The following GRIK3 variants were observed in gnomAD, a reference collection of about 807,000 sequenced individuals.
The protein encoded by GRIK3 is glutamate ionotropic receptor kainate type subunit 3, also known as glutamate receptor ionotropic, kainate 3.
A neutral mutation model predicts 102.5 loss-of-function variants in GRIK3; 29 were observed. That is an observed-to-expected ratio of 0.28 (90% CI 0.21 to 0.39). The LOEUF (loss-of-function observed/expected upper bound fraction) is 0.39, where lower values mean the gene tolerates loss of function less well. Among genes scored for constraint, GRIK3 ranks in the 10% least tolerant of loss-of-function variants. The pLI is 1.00. For synonymous variants in GRIK3, 511 were observed against 504.9 expected (o/e 1.01, Z -0.16); for missense variants, 908 against 1,252.4 (o/e 0.73, Z 4.15).
chr1:37,027,176 G>A (rs1470421483), intron 1 of GRIK3, among the ~76,000 whole-genome samples: 1 of 152,110 alleles, frequency 6.6e-6, no homozygotes, highest in Non-Finnish European at 1.5e-5. Flanking sequence ...TGTGACTAGG[G>A]AGAGGCAGTG....
intron 1 of GRIK3, among the ~76,000 whole-genome samples, chr1:37,023,755 A>C (rs754969890): frequency 1.2e-4 from 18 of 152,324 alleles, no homozygotes; most frequent in Non-Finnish European, 1.5e-4. Flanking sequence ...AGTGATTCCC[A>C]ACCCCAACCA....
At chr1:36,918,957 A>C (rs1031105963) in intron 1 of GRIK3, among the ~76,000 whole-genome samples, 3 of 152,370 alleles carry the variant, frequency 2.0e-5, no homozygotes, top group African/African-American at 7.2e-5. Flanking sequence ...CTGGAGATAC[A>C]GCGCTGAACT....
chr1:36,849,935 C>T (rs1640562494), intron 9 of GRIK3: 1 of 209,852 alleles, frequency 4.8e-6, no homozygotes, highest in East Asian at 1.4e-4. Flanking sequence ...GGCCACAGCA[C>T]CCACCACAGC....
chr1:36,817,434 C>T (rs1642644176), intron 12 of GRIK3, among the ~76,000 whole-genome samples, 157 bp from the exon 13 acceptor site: 1 of 152,200 alleles, frequency 6.6e-6, no homozygotes, highest in African/African-American at 2.4e-5. Context: ...CTGGCAGCAA[C>T]ATCATCACCT....
chr1:37,015,662 C>G (rs1432792589), intron 1 of GRIK3, among the ~76,000 whole-genome samples: 1 of 152,192 alleles, frequency 6.6e-6, no homozygotes, highest in Non-Finnish European at 1.5e-5. Flanking sequence ...TGCCAAGCAC[C>G]CTGTTCCTGT....
intron 1 of GRIK3, among the ~76,000 whole-genome samples, chr1:36,982,365 G>A (rs748095398): frequency 3.9e-5 from 6 of 152,178 alleles, no homozygotes; most frequent in Non-Finnish European, 7.3e-5. Context: ...CCTGCTTGGC[G>A]CACCATCCAG....
intron 1 of GRIK3, among the ~76,000 whole-genome samples, chr1:36,909,240 G>A (rs115031292): frequency 2.6e-5 from 4 of 151,834 alleles, no homozygotes; most frequent in South Asian, 2.1e-4. Flanking sequence ...GCCTGAAATC[G>A]GCCATAGTGA....
At chr1:36,821,559 T>C (rs1472033736) in intron 11 of GRIK3, among the ~76,000 whole-genome samples, 2 of 152,200 alleles carry the variant, frequency 1.3e-5, no homozygotes, top group Admixed American at 1.3e-4. Context: ...CTGCACAACA[T>C]TGGCCTGCAG....
At chr1:36,858,409 G>C (rs1232307060) in intron 7 of GRIK3, among the ~76,000 whole-genome samples, 1 of 152,210 alleles carries the variant, frequency 6.6e-6, no homozygotes, top group African/African-American at 2.4e-5. Context: ...AATAAGCCCT[G>C]CCATCCAAAG....
At position 36,853,657 on chromosome 1, in the gene GRIK3, A is replaced by G; in HGVS notation, c.1170T>C (p.Phe390=). The G allele has an allele frequency of 6.2e-7, 1 of 1,614,018 alleles. No homozygotes were observed. Among genetic ancestry groups the G allele is most frequent in the Non-Finnish European group, 8.5e-7 (1 of 1,179,844 alleles). Residue 390 remains phenylalanine, a synonymous_variant, in exon 8 of 16, where the codon TTT becomes TTC. Coordinates refer to ENST00000373091, the MANE Select transcript of GRIK3 (RefSeq NM_000831.4). ...FNKTSGLRTD[F]DLDIISLKED... Reference sequence around the variant, plus strand: ...CTTTCAGGCTGATGATGTCCAGATCAAAATCCGTCCGCAAGCCACTAGTTT... The same window carrying G: ...CTTTCAGGCTGATGATGTCCAGATCGAAATCCGTCCGCAAGCCACTAGTTT...
chr1:36,908,565 C>T (rs961466033), intron 1 of GRIK3, among the ~76,000 whole-genome samples: 7 of 152,226 alleles, frequency 4.6e-5, no homozygotes, highest in Admixed American at 4.6e-4. Context: ...TGGCTCCTCT[C>T]CATTCTCTGC....
intron 15 of GRIK3, among the ~76,000 whole-genome samples, chr1:36,802,794 A>G (rs1443031166): frequency 6.6e-6 from 1 of 152,178 alleles, no homozygotes; most frequent in Non-Finnish European, 1.5e-5. Flanking sequence ...TAGCACCAGG[A>G]CTACTTGTGT....
intron 1 of GRIK3, among the ~76,000 whole-genome samples, chr1:36,943,125 T>TTC (rs1641745450): frequency 6.7e-6 from 1 of 150,178 alleles, no homozygotes; most frequent in East Asian, 2.0e-4. Flanking sequence ...GGAGTTTAAG[T>TTC]AACTTGCCCA....
chr1:36,992,440 C>T (rs1311436827), intron 1 of GRIK3, among the ~76,000 whole-genome samples: 4 of 152,084 alleles, frequency 2.6e-5, no homozygotes, highest in Non-Finnish European at 5.9e-5. Flanking sequence ...GAAATGTTCA[C>T]GTTACAAAGT....
intron 5 of GRIK3, among the ~76,000 whole-genome samples, chr1:36,862,915 G>C (rs1640743409): frequency 6.6e-6 from 1 of 152,140 alleles, no homozygotes; most frequent in Non-Finnish European, 1.5e-5. Flanking sequence ...CAGCTACTGG[G>C]TACATACAGC....
intron 10 of GRIK3, among the ~76,000 whole-genome samples, chr1:36,838,010 G>A (rs959793379): frequency 1.3e-5 from 2 of 152,200 alleles, no homozygotes; most frequent in Non-Finnish European, 2.9e-5. Flanking sequence ...GGATGACCAC[G>A]GCTGAGGGGC....
chr1:36,999,278 G>A (rs888121006), intron 1 of GRIK3, among the ~76,000 whole-genome samples: 4 of 152,152 alleles, frequency 2.6e-5, no homozygotes, highest in Non-Finnish European at 4.4e-5. Context: ...CAGGTGCACC[G>A]AGGTGGGAGA....
At chr1:36,814,218 T>C (rs1412197228) in intron 13 of GRIK3, among the ~76,000 whole-genome samples, 2 of 152,074 alleles carry the variant, frequency 1.3e-5, no homozygotes, top group Non-Finnish European at 2.9e-5. Flanking sequence ...CATCTTAGCA[T>C]GGAGGGAGGC....
chr1:36,850,056 G>C lies in GRIK3; in HGVS notation c.1326+255C>G, dbSNP rs928268785. ...CCCCTTAATTCCACCATCCAGCATG[G>C]TTCCTACTCAGACATCAAGGACTTG... On this transcript the variant is annotated intron_variant, in intron 9 of 15. Coordinates refer to ENST00000373091, the MANE Select transcript of GRIK3 (RefSeq NM_000831.4). This position sits in a 1 kb window ranked among gnomAD's most constrained non-coding sequence, Gnocchi z 4.0. 1 of 475,082 alleles carries C rather than the reference G, an allele frequency of 2.1e-6. No individual in the cohort carries two copies. The highest frequency in any genetic ancestry group is 3.8e-6 in the Non-Finnish European group (1 of 263,244). The allele number at this position is 475,082 out of a possible 1,614,324, so 29.4% of individuals were successfully genotyped here.
Sources: allele counts gnomAD v4.1 joint callset (sites outside exome capture counted in the v4.1 genomes callset), GRCh38; gene constraint gnomAD v4.1.1; non-coding constraint Gnocchi (gnomAD v3.1); transcripts MANE v1.5; gene names NCBI Gene and HGNC (gene_info 2026-07-23, HGNC 2026-07-21).